Variants in XPR1 observed in about 807,000 individuals in gnomAD.
XPR1 encodes the protein solute carrier family 53 member 1.
Under a neutral mutation model 87.5 loss-of-function variants are expected in XPR1, and 28 were observed. The observed-to-expected ratio is 0.32, with a 90% CI of 0.24 to 0.44. The LOEUF (loss-of-function observed/expected upper bound fraction) is 0.44, where lower values mean the gene tolerates loss of function less well. Among genes scored for constraint, XPR1 ranks in the 20% least tolerant of loss-of-function variants. The pLI is 1.00. For synonymous variants in XPR1, 300 were observed against 306.1 expected (o/e 0.98, Z 0.21); for missense variants, 559 against 862.3 (o/e 0.65, Z 4.41).
At position 180,824,806 on chromosome 1, in the gene XPR1, C is replaced by T; in HGVS notation, c.817C>T (p.Arg273Trp). 1 of 1,613,972 alleles carries T rather than the reference C, an allele frequency of 6.2e-7. No individual in the cohort carries two copies. Among genetic ancestry groups the T allele is most frequent in the Non-Finnish European group, 8.5e-7 (1 of 1,179,934 alleles). ...RSIWPLIRIY[R>W]GGFLLIEFLF... ...TATATGGCCCTTGATAAGAATCTATCGGGGTGGCTTTCTTCTGATTGAATT... is the reference window on the plus strand; with the variant it reads ...TATATGGCCCTTGATAAGAATCTATTGGGGTGGCTTTCTTCTGATTGAATT... Residue 273 changes from arginine to tryptophan, a missense_variant, in exon 8 of 15, where the codon CGG (arginine) becomes TGG (tryptophan). This residue lies in a region of XPR1 where 39 missense variants were observed against 38.5 expected (regional missense o/e 1.01). Transcript: ENST00000367590.
chr1:180,714,350 TCTCTCTCTCTCTC>T (rs1206374397), intron 2 of XPR1, among the ~76,000 whole-genome samples: 2 of 6,508 alleles, frequency 3.1e-4, no homozygotes, highest in African/African-American at 1.0e-3. Context: ...TTTTCCCTGT[TCTCTCTCTCTCTC>T]TCTCTCTCTC....
intron 11 of XPR1, among the ~76,000 whole-genome samples, chr1:180,838,855 A>G (rs1377941325): frequency 6.6e-6 from 1 of 152,154 alleles, no homozygotes; most frequent in Non-Finnish European, 1.5e-5. Context: ...AAATTAAATT[A>G]TTTCTGTCAC....
intron 9 of XPR1, among the ~76,000 whole-genome samples, chr1:180,832,570 G>A (rs981185384): frequency 1.1e-4 from 17 of 152,152 alleles, no homozygotes; most frequent in Admixed American, 7.9e-4. Flanking sequence ...TTTTGTGTAA[G>A]GTGTAAGGAA....
intron 2 of XPR1, among the ~76,000 whole-genome samples, chr1:180,686,999 C>T (rs1656803467): frequency 6.6e-6 from 1 of 152,066 alleles, no homozygotes; most frequent in Admixed American, 6.5e-5. Context: ...ATATTTAACT[C>T]AAGACACTTA....
At chr1:180,678,411 T>C (rs150248005) in intron 1 of XPR1, among the ~76,000 whole-genome samples, 13 of 152,324 alleles carry the variant, frequency 8.5e-5, no homozygotes, top group African/African-American at 2.6e-4. Flanking sequence ...GCTATCTCAT[T>C]AGTATATAAA....
chr1:180,821,975 GCA>G (rs1379067310), intron 7 of XPR1, among the ~76,000 whole-genome samples: 1 of 152,126 alleles, frequency 6.6e-6, no homozygotes, highest in Non-Finnish European at 1.5e-5. Flanking sequence ...CTGTTGTAAT[GCA>G]TCTGTGGTCT....
At chr1:180,773,931 A>G (rs1251148449) in intron 2 of XPR1, among the ~76,000 whole-genome samples, 1 of 152,232 alleles carries the variant, frequency 6.6e-6, no homozygotes, top group Non-Finnish European at 1.5e-5. Flanking sequence ...CAGATCTTCT[A>G]TTTAAATATA....
At chr1:180,882,967 G>GTTTTTTTTTT in intron 14 of XPR1, among the ~76,000 whole-genome samples, 1 of 150,632 alleles carries the variant, frequency 6.6e-6, no homozygotes, top group African/African-American at 2.5e-5. Flanking sequence ...TTGGGGGTTG[G>GTTTTTTTTTT]TTGTTTTTTT....
chr1:180,782,444 TTTC>T (rs1648976801), intron 2 of XPR1, among the ~76,000 whole-genome samples: 2 of 152,072 alleles, frequency 1.3e-5, no homozygotes, highest in African/African-American at 4.8e-5. Flanking sequence ...TAAGGCCTCT[TTTC>T]TTCTTTGCAA....
intron 2 of XPR1, among the ~76,000 whole-genome samples, chr1:180,720,350 A>G (rs148022359): frequency 1.2e-3 from 190 of 152,344 alleles, no homozygotes; most frequent in African/African-American, 4.4e-3. Flanking sequence ...ACAGTTGGTA[A>G]TGTGACAGTT....
At chr1:180,849,434 C>T (rs1345429073) in intron 11 of XPR1, among the ~76,000 whole-genome samples, 1 of 152,092 alleles carries the variant, frequency 6.6e-6, no homozygotes, top group African/African-American at 2.4e-5. Flanking sequence ...TGGATGCTTG[C>T]TTTAAAATGC....
intron 2 of XPR1, among the ~76,000 whole-genome samples, chr1:180,722,459 C>G (rs1455581495): frequency 6.6e-6 from 1 of 152,106 alleles, no homozygotes; most frequent in Non-Finnish European, 1.5e-5. Context: ...TTAGAACTTT[C>G]ATTTTAAGAC....
At chr1:180,780,767 C>CAAAAAAAAAAAAAAAAAAA (rs756960289) in intron 2 of XPR1, among the ~76,000 whole-genome samples, 3 of 106,098 alleles carry the variant, frequency 2.8e-5, no homozygotes, top group African/African-American at 7.4e-5. Flanking sequence ...GACTCTGTCT[C>CAAAAAAAAAAAAAAAAAAA]AAAAAAAAAA....
At chr1:180,711,654 A>G (rs1657802921) in intron 2 of XPR1, among the ~76,000 whole-genome samples, 1 of 152,122 alleles carries the variant, frequency 6.6e-6, no homozygotes, top group African/African-American at 2.4e-5. Context: ...TTTAGATACA[A>G]GACCTTTATC....
intron 2 of XPR1, among the ~76,000 whole-genome samples, chr1:180,694,381 GCAGT>G (rs1321952915): frequency 6.6e-6 from 1 of 152,190 alleles, no homozygotes; most frequent in Non-Finnish European, 1.5e-5. Flanking sequence ...TGTGAAAGGA[GCAGT>G]CAAATGGTGT....
chr1:180,754,777 T>TA (rs1196560276), intron 2 of XPR1, among the ~76,000 whole-genome samples: 1 of 152,168 alleles, frequency 6.6e-6, no homozygotes, highest in African/African-American at 2.4e-5. Context: ...TCTTGTATTT[T>TA]AAAATATGTG....
intron 1 of XPR1, among the ~76,000 whole-genome samples, chr1:180,663,113 T>C (rs1360168698): frequency 6.6e-6 from 1 of 152,240 alleles, no homozygotes; most frequent in Non-Finnish European, 1.5e-5. Flanking sequence ...TCTCCATTTC[T>C]CTGGAATTGG....
intron 2 of XPR1, among the ~76,000 whole-genome samples, chr1:180,776,836 TA>T: frequency 6.6e-6 from 1 of 152,250 alleles, no homozygotes; most frequent in South Asian, 2.1e-4. Context: ...TTTTCTCAAT[TA>T]CATGTCACTG....
At chr1:180,689,720 A>T (rs1378693180) in intron 2 of XPR1, among the ~76,000 whole-genome samples, 7 of 152,240 alleles carry the variant, frequency 4.6e-5, no homozygotes, top group Non-Finnish European at 8.8e-5. Context: ...ATAATAATGT[A>T]TCATTATTGA....
Sources: gnomAD v4.1 joint callset for allele counts (sites outside exome capture counted in the v4.1 genomes callset) on GRCh38, gnomAD v4.1.1 for gene constraint, gnomAD v4.1.1 regional missense constraint, MANE v1.5 for transcripts, NCBI Gene and HGNC (gene_info 2026-07-23, HGNC 2026-07-21) for gene names.